CDHR2: variants seen among roughly 807,000 people sequenced by gnomAD.
CDHR2 encodes cadherin related family member 2.
CDHR2 carries 104 observed loss-of-function variants against 138.6 expected under a neutral mutation model. The observed-to-expected ratio is 0.75, with a 90% CI of 0.64 to 0.88. The LOEUF is 0.88. Ranked by LOEUF, CDHR2 falls within the 40% of genes least tolerant of loss-of-function variation. CDHR2 has a pLI of 0.00. For synonymous variants in CDHR2, 755 were observed against 742.8 expected (o/e 1.02, Z -0.27); for missense variants, 1,624 against 1,727.6 (o/e 0.94, Z 1.06).
chr5:176,584,075 G>T (rs1299124917), intron 17 of CDHR2, 115 bp from the exon 18 acceptor site: 6 of 863,212 alleles, frequency 7.0e-6, no homozygotes, highest in Non-Finnish European at 1.1e-5. Context: ...GGGCAGTGAG[G>T]TCTGAGGCAC....
Position 176,581,532 on chromosome 5 carries a change from T to G in CDHR2, c.2008T>G (p.Cys670Gly). The G allele has an allele frequency of 6.2e-7, 1 of 1,614,126 alleles. No individual in the cohort carries two copies. Among genetic ancestry groups the G allele is most frequent in the Non-Finnish European group, 8.5e-7 (1 of 1,180,050 alleles). Residue 670 changes from cysteine to glycine, a missense_variant, in exon 17 of 32, where the codon TGC becomes GGC. Around this residue, in one of 3 missense-constraint regions of CDHR2, gnomAD observed 1,061 missense variants for 1,136.6 expected, o/e 0.93. Coordinates refer to ENST00000261944, the MANE Select transcript of CDHR2 (RefSeq NM_017675.6). ...TGTGCTGACAGTGCTTGTGTCTGAC[T>G]GCGGCGAGCCTGTCCTCGGCACCAA... ...RIVLTVLVSD[C>G]GEPVLGTKVN...
At chr5:176,581,164 G>T (rs1758519951) in intron 16 of CDHR2, among the ~76,000 whole-genome samples, 179 bp from the exon 17 acceptor site, 1 of 152,196 alleles carries the variant, frequency 6.6e-6, no homozygotes, top group African/African-American at 2.4e-5. Flanking sequence ...AGAAGCTCTT[G>T]CAAACTGCTG....
At position 176,576,201 on chromosome 5, in the gene CDHR2, T is replaced by G. The variant is rs762401410; in HGVS notation, c.1194+16T>G. The G allele has an allele frequency of 3.4e-6, 5 of 1,484,708 alleles. No homozygotes were observed. The highest frequency in any genetic ancestry group is 4.6e-6 in the Non-Finnish European group (5 of 1,084,316). 92.0% of individuals were successfully genotyped at this position (1,484,708 alleles called of 1,614,324 possible). On this transcript the variant is annotated intron_variant, in intron 12 of 31. Transcript: ENST00000261944. This position sits in a 1 kb window ranked among gnomAD's most constrained non-coding sequence, Gnocchi z 4.5. ...CCCGGACAAGGCAGGCGTGGTGGCG[T>G]GGGTGTGGGCGGGGGTGGCTGGGGG...
intron 6 of CDHR2, among the ~76,000 whole-genome samples, chr5:176,573,089 G>A (rs1160257479): frequency 6.6e-6 from 1 of 152,180 alleles, no homozygotes. Context: ...GGAGCTGGCA[G>A]GGGATGCTCC....
intron 31 of CDHR2, among the ~76,000 whole-genome samples, chr5:176,593,792 T>C (rs191994340): frequency 2.0e-5 from 3 of 152,296 alleles, no homozygotes; most frequent in African/African-American, 7.2e-5. Context: ...GAAGCCTCTC[T>C]TGGTCTTTAA....
intron 1 of CDHR2, among the ~76,000 whole-genome samples, chr5:176,563,506 A>T (rs1051212926): frequency 5.3e-5 from 8 of 152,042 alleles, no homozygotes; most frequent in Non-Finnish European, 1.2e-4. Context: ...AAAAACCCTC[A>T]TGGCAGTTAG....
At chr5:176,584,132 T>C (rs1003991354) in intron 17 of CDHR2, 58 bp from the exon 18 acceptor site, 10 of 1,436,514 alleles carry the variant, frequency 7.0e-6, no homozygotes, top group East Asian at 4.5e-5. Context: ...GTTTCTCGGA[T>C]TGGCTCTGGG....
chr5:176,561,186 T>C (rs1757958662), intron 1 of CDHR2, among the ~76,000 whole-genome samples: 1 of 152,236 alleles, frequency 6.6e-6, no homozygotes, highest in African/African-American at 2.4e-5. Context: ...ACCCCTGGTG[T>C]AGGTGCTGTT....
chr5:176,560,253 C>T (rs547657949), intron 1 of CDHR2, among the ~76,000 whole-genome samples: 34 of 152,074 alleles, frequency 2.2e-4, no homozygotes, highest in African/African-American at 8.2e-4. Context: ...AAAAATTAGC[C>T]AGGCGTGGTG....
Position 176,592,759 on chromosome 5 carries a change from C to A in CDHR2, c.3771C>A (p.Asp1257Glu). The A allele has an allele frequency of 2.5e-6, 4 of 1,613,822 alleles. No homozygotes were observed. The highest frequency in any genetic ancestry group is 3.4e-6 in the Non-Finnish European group (4 of 1,179,840). Residue 1257 changes from aspartate (D) to glutamate (E), a missense_variant, in exon 31 of 32, where the codon GAC becomes GAA. Physicochemically the swap from Asp to Glu is conservative, Grantham distance 45. Around this residue, in one of 3 missense-constraint regions of CDHR2, gnomAD observed 556 missense variants for 565.7 expected, o/e 0.98. Transcript: ENST00000261944. ...NSLDDNSVDV[D>E]KNSQEIKEHR... ...TGGACGACAACTCTGTGGATGTGGA[C>A]AAGAACAGTCAGGAAATCAAGGCAA...
At position 176,575,257 on chromosome 5, in the gene CDHR2, C is replaced by T. The variant is rs1758341165; in HGVS notation, c.622-23C>T. ...GGGCCTAGGACCCACGGCGCTGGCT[C>T]ACGGGTGGCCATCTCCCCGCAGGAC... On this transcript the variant is annotated intron_variant, in intron 8 of 31. Transcript: ENST00000261944. 4 of 1,614,042 alleles carry T rather than the reference C, an allele frequency of 2.5e-6. No homozygotes were observed. The South Asian group carries it at 4.4e-5, about 18-fold the overall frequency.
intron 1 of CDHR2, among the ~76,000 whole-genome samples, chr5:176,556,288 G>A (rs573454297): frequency 2.5e-4 from 38 of 152,350 alleles, no homozygotes; most frequent in African/African-American, 9.1e-4. Flanking sequence ...AGGATCGCTT[G>A]AGCCCAGGAG....
upstream of CDHR2, among the ~76,000 whole-genome samples, chr5:176,548,487 C>T (rs1241271449): frequency 6.6e-6 from 1 of 152,198 alleles, no homozygotes; most frequent in Non-Finnish European, 1.5e-5. Flanking sequence ...TCCCTGTAAT[C>T]CCAGCATTTT....
At chr5:176,575,624 G>A in intron 10 of CDHR2, 43 bp downstream of exon 10, 1 of 1,608,150 alleles carries the variant, frequency 6.2e-7, no homozygotes, top group Non-Finnish European at 8.5e-7. Flanking sequence ...GCCGGGGCCA[G>A]GGTGGGGTCT....
intron 8 of CDHR2, 25 bp downstream of exon 8, chr5:176,575,234 G>A: frequency 6.2e-7 from 1 of 1,614,120 alleles, no homozygotes; most frequent in South Asian, 1.1e-5. Context: ...CGGCAGGCGG[G>A]CCTAGGACCC....
intron 1 of CDHR2, among the ~76,000 whole-genome samples, chr5:176,558,212 T>C (rs12054949): frequency 0.72 from 92,912 of 128,934 alleles, 31,750 homozygotes; most frequent in Non-Finnish European, 0.8. Flanking sequence ...TTTTCTTTTC[T>C]TATTTTTTTT....
At chr5:176,571,403 A>G (rs1269781010) in intron 6 of CDHR2, 101 bp downstream of exon 6, 1 of 747,596 alleles carries the variant, frequency 1.3e-6, no homozygotes, top group Non-Finnish European at 2.1e-6. Context: ...CAGAGTTGGG[A>G]AAAACCTCTC....
In CDHR2 at chr5:176,553,563, A is replaced by T. The variant is rs912125158; in HGVS notation, c.-16+4149A>T. 4.6e-5 allele frequency among the ~76,000 whole-genome samples: 7 copies of T among 152,186 alleles called. No individual in the cohort carries two copies. Among genetic ancestry groups the T allele is most frequent in the African/African-American group, 1.7e-4 (7 of 41,450 alleles). ...TTGACTCATTTCTGAAGGACAGAACATGAGAGAAAAAAGTGAGGAGGGAGG... is the reference window on the plus strand; with the variant it reads ...TTGACTCATTTCTGAAGGACAGAACTTGAGAGAAAAAAGTGAGGAGGGAGG... On this transcript the variant is annotated intron_variant, in intron 1 of 31. Transcript: ENST00000261944. The surrounding 1 kb of genome is among the most constrained non-coding windows in gnomAD (Gnocchi z 4.3).
intron 2 of CDHR2, 73 bp downstream of exon 2, chr5:176,565,477 G>A: frequency 1.4e-6 from 2 of 1,452,606 alleles, no homozygotes; most frequent in Non-Finnish European, 1.9e-6. Flanking sequence ...GAAAGGAGGG[G>A]GATCCCTCAT....
Sources: allele counts gnomAD v4.1 joint callset (sites outside exome capture counted in the v4.1 genomes callset), GRCh38; gene constraint gnomAD v4.1.1; regional missense constraint gnomAD v4.1.1; non-coding constraint Gnocchi (gnomAD v3.1); transcripts MANE v1.5; gene names NCBI Gene and HGNC (gene_info 2026-07-23, HGNC 2026-07-21).